Variants in PTPRC observed in about 807,000 individuals in gnomAD.
PTPRC encodes protein tyrosine phosphatase receptor type C, also known as receptor-type tyrosine-protein phosphatase C.
Under a neutral mutation model 155.9 loss-of-function variants are expected in PTPRC, and 44 were observed. That is an observed-to-expected ratio of 0.28 (90% CI 0.22 to 0.36). The LOEUF is 0.36. PTPRC is among the 10% of genes least tolerant of loss of function. The pLI, the probability that PTPRC is intolerant of heterozygous loss-of-function variation, is 1.00. For synonymous variants in PTPRC, 525 were observed against 533.1 expected, an observed-to-expected ratio of 0.98 and a Z score of 0.21; for missense variants, 1,401 against 1,564.6, an observed-to-expected ratio of 0.90 and a Z score of 1.76.
Position 198,750,473 on chromosome 1 carries a change from C to G in PTPRC, c.3073-19C>G, listed in dbSNP as rs1571894450. On this transcript the variant is annotated intron_variant, in intron 28 of 32. Transcript: ENST00000442510. ...CTCTTCTGTAGTAACGAAGTCCCAC[C>G]CTTTTTTTGTCTAAAAAGAGCTACT... The G allele has an allele frequency of 2.5e-6, 4 of 1,609,394 alleles. No individual in the cohort carries two copies. The African/African-American group carries it at 4.0e-5, about 16-fold the overall frequency.
chr1:198,748,966 AT>A (rs1185216269), intron 27 of PTPRC, among the ~76,000 whole-genome samples: 1 of 151,674 alleles, frequency 6.6e-6, no homozygotes, highest in Admixed American at 6.6e-5. Flanking sequence ...ACAGTGAGAA[AT>A]TATAGGTCAA....
chr1:198,656,746 TG>T (rs1663602194), intron 2 of PTPRC, among the ~76,000 whole-genome samples: 1 of 149,898 alleles, frequency 6.7e-6, no homozygotes, highest in South Asian at 2.1e-4. Context: ...GGAGGTGGCG[TG>T]GGGGAGCGGG....
intron 5 of PTPRC, among the ~76,000 whole-genome samples, chr1:198,701,959 T>G (rs1183353820): frequency 3.3e-5 from 5 of 152,232 alleles, no homozygotes; most frequent in Admixed American, 2.6e-4. Flanking sequence ...GCTCTCAGCA[T>G]GTATCAAGTT....
intron 15 of PTPRC, among the ~76,000 whole-genome samples, chr1:198,722,996 A>C (rs1653963586): frequency 6.6e-6 from 1 of 151,740 alleles, no homozygotes; most frequent in African/African-American, 2.4e-5. Flanking sequence ...CTTAGAATTA[A>C]ATTTCATTAT....
chr1:198,718,114 A>C lies in PTPRC; in HGVS notation c.1471A>C (p.Met491Leu), dbSNP rs910573647. 2.5e-6 allele frequency: 4 copies of C among 1,613,386 alleles called. No homozygotes were observed. Among genetic ancestry groups the C allele is most frequent in the Non-Finnish European group, 3.4e-6 (4 of 1,179,400 alleles). The change falls in exon 14 of 33, where the codon ATG becomes CTG. Residue 491 changes from methionine to leucine, a missense_variant. This residue lies in a region of PTPRC where 867 missense variants were observed against 970.4 expected (regional missense o/e 0.89). Coordinates refer to ENST00000442510, the MANE Select transcript of PTPRC (RefSeq NM_002838.5). ...KSAPPSQVWN[M>L]TVSMTSDNSM... ...GATAGCTCCAAGCCAGGTCTGGAAC[A>C]TGACTGTCTCCATGACATCAGATAA...
intron 15 of PTPRC, among the ~76,000 whole-genome samples, chr1:198,724,676 T>TTCTCTC (rs59471727): frequency 5.4e-5 from 8 of 148,660 alleles, no homozygotes; most frequent in African/African-American, 1.2e-4. Flanking sequence ...TCCATCCTGA[T>TTCTCTC]TCTCTCTCTC....
In PTPRC at chr1:198,703,553, G is replaced by T. The variant is rs1201585337; in HGVS notation, c.658+181G>T. 21 of 884,314 alleles carry T rather than the reference G, an allele frequency of 2.4e-5. No individual in the cohort carries two copies. The South Asian group carries it at 3.0e-4, about 13-fold the overall frequency. The allele number at this position is 884,314 out of a possible 1,614,324, so 54.8% of individuals were successfully genotyped here. ...TCTGCTTAGCAGTGCAACAGCTGAT[G>T]AGATCAGGATGTAATTGTTACTGTC... On this transcript the variant is annotated intron_variant, in intron 7 of 32. Transcript: ENST00000442510.
intron 12 of PTPRC, among the ~76,000 whole-genome samples, chr1:198,715,561 A>T (rs1436069200): frequency 6.6e-6 from 1 of 152,102 alleles, no homozygotes; most frequent in Non-Finnish European, 1.5e-5. Context: ...ATTTTTCAAA[A>T]GTTACTGAAA....
chr1:198,756,432 G>T lies in PTPRC; in HGVS notation c.*251G>T, dbSNP rs1655668875. 2.0e-6 allele frequency: 1 copy of T among 505,148 alleles called. No homozygotes were observed. Among genetic ancestry groups the T allele is most frequent in the South Asian group, 2.1e-5 (1 of 47,280 alleles). 31.3% of individuals were successfully genotyped at this position (505,148 alleles called of 1,614,324 possible). A position where few individuals can be genotyped will look rare whatever the true frequency, so the allele number is the denominator to read the frequency against. The stretch of plus-strand genomic sequence containing the variant: ...AAAACAACTTCTTTGTAATCGTTAT[G>T]TGTGTATATGTATGTGTGTATGGGT... On this transcript the variant is annotated 3_prime_UTR_variant, in exon 33 of 33. Transcript: ENST00000442510.
intron 2 of PTPRC, among the ~76,000 whole-genome samples, chr1:198,641,550 G>A (rs919968734): frequency 1.3e-5 from 2 of 151,948 alleles, no homozygotes; most frequent in Admixed American, 1.3e-4. Flanking sequence ...TCTTTGCCAC[G>A]GCAACAACCA....
At chr1:198,755,821 C>CATT in intron 32 of PTPRC, 85 bp from the exon 33 acceptor site, 1 of 1,365,396 alleles carries the variant, frequency 7.3e-7, no homozygotes, top group East Asian at 2.3e-5. Flanking sequence ...ACAAATAAAT[C>CATT]ATTAGTTCTT....
intron 23 of PTPRC, among the ~76,000 whole-genome samples, chr1:198,738,600 G>A (rs11808873): frequency 0.19 from 29,074 of 151,434 alleles, 3,473 homozygotes; most frequent in African/African-American, 0.32. Flanking sequence ...GATATTGACC[G>A]GTAGTTTTCT....
In PTPRC at chr1:198,754,384, C is replaced by A; in HGVS notation, c.3625C>A (p.Pro1209Thr). The A allele has an allele frequency of 6.2e-7, 1 of 1,613,442 alleles. No homozygotes were observed. The highest frequency in any genetic ancestry group is 8.5e-7 in the Non-Finnish European group (1 of 1,179,662). Residue 1209 changes from proline to threonine, a missense_variant, in exon 32 of 33, where the codon CCA (proline) becomes ACA (threonine). By Grantham distance (38) the Pro-to-Thr change is conservative (BLOSUM62 -1). This residue lies in a region of PTPRC where 400 missense variants were observed against 389.5 expected (regional missense o/e 1.03). Coordinates refer to ENST00000442510, the MANE Select transcript of PTPRC (RefSeq NM_002838.5). ...GGTAAAAGCTCTACGCAAAGCTAGG[C>A]CAGGCATGGTTTCCACATTCGTAAG... is the stretch of plus-strand genomic sequence containing the variant. Reference protein sequence around the residue: ...QVVKALRKARPGMVSTFEQYQ... With the variant: ...QVVKALRKARTGMVSTFEQYQ...
At chr1:198,734,943 C>T (rs1654558155) in intron 22 of PTPRC, among the ~76,000 whole-genome samples, 184 bp from the exon 23 acceptor site, 1 of 151,648 alleles carries the variant, frequency 6.6e-6, no homozygotes, top group Non-Finnish European at 1.5e-5. Flanking sequence ...TTCTTCAGGA[C>T]ACATTAGTGG....
In PTPRC at chr1:198,754,260, C is replaced by T; in HGVS notation, c.3510-9C>T. On this transcript the variant is annotated splice_polypyrimidine_tract_variant and intron_variant, in intron 31 of 32. Transcript: ENST00000442510. ...TAGGATTATTTTCTATCTTTTCTTT[C>T]TTTTATAGGGATGGATCTCAGCAAA... 3.1e-6 allele frequency: 5 copies of T among 1,604,870 alleles called. No homozygotes were observed. Among genetic ancestry groups the T allele is most frequent in the South Asian group, 1.1e-5 (1 of 90,902 alleles).
rs1270563715 is a variant in PTPRC at position 198,752,629 on chromosome 1, T to C, written c.3366T>C (p.Tyr1122=). The change falls in exon 31 of 33, where the codon TAT becomes TAC. Residue 1122 remains tyrosine (Y), a synonymous_variant. Coordinates refer to ENST00000442510, the MANE Select transcript of PTPRC (RefSeq NM_002838.5). ...KDSRTVYQYQ[Y]TNWSVEQLPA... is the part of the protein sequence containing the mutation. ...CTCGAACTGTGTACCAGTACCAATATACAAACTGGAGTGTGGAGCAGCTTC... is the reference window on the plus strand; with the variant it reads ...CTCGAACTGTGTACCAGTACCAATACACAAACTGGAGTGTGGAGCAGCTTC... 6.2e-7 allele frequency: 1 copy of C among 1,612,804 alleles called. No homozygotes were observed. The highest frequency in any genetic ancestry group is 8.5e-7 in the Non-Finnish European group (1 of 1,179,294).
chr1:198,638,877 A>C (rs1662406616), upstream of PTPRC: 1 of 203,852 alleles, frequency 4.9e-6, no homozygotes, highest in Non-Finnish European at 1.0e-5. Flanking sequence ...TGGTTTAAAA[A>C]CATCTTCCTT....
At chr1:198,669,228 T>C (rs1212342371) in intron 2 of PTPRC, among the ~76,000 whole-genome samples, 1 of 152,014 alleles carries the variant, frequency 6.6e-6, no homozygotes, top group Non-Finnish European at 1.5e-5. Flanking sequence ...GATTTGAGAG[T>C]ATGTTTGGAA....
At chr1:198,642,899 T>TCTTCCTTCCTTC (rs776072910) in intron 2 of PTPRC, among the ~76,000 whole-genome samples, 6 of 105,924 alleles carry the variant, frequency 5.7e-5, no homozygotes, top group African/African-American at 1.1e-4. Flanking sequence ...TTCTTTTCTT[T>TCTTCCTTCCTTC]CTTTCTTCCT....
Sources: allele counts gnomAD v4.1 joint callset (sites outside exome capture counted in the v4.1 genomes callset), GRCh38; gene constraint gnomAD v4.1.1; regional missense constraint gnomAD v4.1.1; transcripts MANE v1.5; gene names NCBI Gene and HGNC (gene_info 2026-07-23, HGNC 2026-07-21).